The following KRT26 variants were observed in gnomAD, a reference collection of about 807,000 sequenced individuals.
KRT26 encodes the protein keratin, type I cytoskeletal 26.
KRT26 carries 45 observed loss-of-function variants against 46.1 expected under a neutral mutation model. The ratio of observed to expected loss-of-function variants is 0.98; its 90% confidence interval spans 0.77 to 1.25. KRT26 has a LOEUF of 1.25. Ranked by LOEUF, KRT26 falls within the 50% of genes most tolerant of loss-of-function variation. The pLI is 0.00. For missense variants in KRT26, 582 were observed against 560.1 expected (o/e 1.04, Z -0.39); for synonymous variants, 191 against 209.9 (o/e 0.91, Z 0.78).
At chr17:40,772,083 T>C (rs1370121496) in exon 1 of KRT26, 1 of 1,614,028 alleles carries the variant, frequency 6.2e-7, no homozygotes, top group Non-Finnish European at 8.5e-7. Flanking sequence ...GAGCAGATCC[T>C]CCTGGATCCA....
At chr17:40,767,995 C>G (rs2038185028) in intron 6 of KRT26, among the ~76,000 whole-genome samples, 4 of 152,140 alleles carry the variant, frequency 2.6e-5, no homozygotes, top group Admixed American at 2.6e-4. Context: ...GATATAGAAC[C>G]AAGACACAGT....
intron 6 of KRT26, among the ~76,000 whole-genome samples, chr17:40,768,244 A>G: frequency 6.6e-6 from 1 of 152,218 alleles, no homozygotes; most frequent in Admixed American, 6.5e-5. Context: ...TGATTACCAA[A>G]TACCTTTTCT....
intron 7 of KRT26, 49 bp downstream of exon 7, chr17:40,767,537 A>G (rs968157825): frequency 9.0e-7 from 1 of 1,114,618 alleles, no homozygotes; most frequent in Non-Finnish European, 1.3e-6. Flanking sequence ...AGTTAACACA[A>G]TTGATGGAGT....
At chr17:40,767,891 A>G (rs1454704776) in intron 6 of KRT26, among the ~76,000 whole-genome samples, 2 of 152,188 alleles carry the variant, frequency 1.3e-5, no homozygotes, top group Non-Finnish European at 2.9e-5. Flanking sequence ...TCATCTAGCA[A>G]TATTTCTCAC....
In KRT26 at chr17:40,770,126, G is replaced by C. The variant is rs751782637; in HGVS notation, c.682-4C>G. On this transcript the variant is annotated splice_polypyrimidine_tract_variant and splice_region_variant and intron_variant, in intron 3 of 7. Transcript: ENST00000335552. ...TATATTGCAAGACTTCCATTTCCTAGAAAAGGGATCGGTATTCATCCTCAG... is the reference window on the plus strand; with the variant it reads ...TATATTGCAAGACTTCCATTTCCTACAAAAGGGATCGGTATTCATCCTCAG... The C allele has an allele frequency of 6.2e-7, 1 of 1,614,140 alleles. No individual in the cohort carries two copies. Among genetic ancestry groups the C allele is most frequent in the Non-Finnish European group, 8.5e-7 (1 of 1,180,020 alleles).
At chr17:40,771,740 C>A (rs764096786) in exon 1 of KRT26, 2 of 1,614,164 alleles carry the variant, frequency 1.2e-6, no homozygotes, top group South Asian at 2.2e-5. Context: ...CCGGGAAGAG[C>A]CAGGCTCACA....
At chr17:40,770,090 C>T (rs770756162) in exon 4 of KRT26, 3 of 1,613,970 alleles carry the variant, frequency 1.9e-6, no homozygotes, top group Non-Finnish European at 2.5e-6. Flanking sequence ...CGTTCACGTT[C>T]CCCCCAGCTG....
chr17:40,768,479 T>C (rs1458092453), intron 6 of KRT26, among the ~76,000 whole-genome samples: 3 of 152,240 alleles, frequency 2.0e-5, no homozygotes, highest in South Asian at 2.1e-4. Context: ...CTCCAATTAA[T>C]TCTTCCTATA....
Position 40,771,801 on chromosome 17 carries a change from C to T in KRT26, c.313G>A (p.Glu105Lys), listed in dbSNP as rs775327885. Reference sequence around the variant, plus strand: ...TGCTCCAGGTCTGCGTTGGCCTCCTCTAGAGCATGCACATGGTCCAGGTAG... The same window carrying T: ...TGCTCCAGGTCTGCGTTGGCCTCCTTTAGAGCATGCACATGGTCCAGGTAG... Residue 105 changes from glutamate (E) to lysine (K), a missense_variant, in exon 1 of 8, where the codon GAG becomes AAG. Transcript: ENST00000335552. The T allele has an allele frequency of 5.0e-6, 8 of 1,614,082 alleles. No individual in the cohort carries two copies. The highest frequency in any genetic ancestry group is 1.6e-4 in the Middle Eastern group (1 of 6,084).
intron 2 of KRT26, 104 bp from the exon 3 acceptor site, chr17:40,770,513 C>G (rs2038214843): frequency 3.5e-6 from 3 of 864,090 alleles, no homozygotes; most frequent in Non-Finnish European, 3.5e-6. Context: ...TCTGTACATA[C>G]CTCTGAAGCT....
intron 7 of KRT26, 69 bp from the exon 8 acceptor site, chr17:40,766,735 G>A: frequency 1.7e-6 from 2 of 1,164,436 alleles, no homozygotes; most frequent in Non-Finnish European, 2.5e-6. Flanking sequence ...TAATAGGTAT[G>A]CTTTTTGTTT....
chr17:40,770,154 G>T (rs2038209982), intron 3 of KRT26, 32 bp from the exon 4 acceptor site: 1 of 1,613,794 alleles, frequency 6.2e-7, no homozygotes, highest in South Asian at 1.1e-5. Flanking sequence ...ATCCTCAGTG[G>T]AGGATTTTGA....
chr17:40,767,675 A>G (rs771121553), intron 6 of KRT26, 22 bp from the exon 7 acceptor site: 2 of 1,483,826 alleles, frequency 1.3e-6, no homozygotes, highest in Non-Finnish European at 1.9e-6. Flanking sequence ...AGAGTAAATT[A>G]TTGCATTTTT....
At chr17:40,768,396 C>A (rs2038188108) in intron 6 of KRT26, among the ~76,000 whole-genome samples, 1 of 152,192 alleles carries the variant, frequency 6.6e-6, no homozygotes. Flanking sequence ...GCTCATAATT[C>A]ACCCAGTATT....
chr17:40,769,877 A>G (rs769176902), exon 5 of KRT26: 4 of 1,613,936 alleles, frequency 2.5e-6, no homozygotes, highest in South Asian at 1.1e-5. Context: ...GCAGCGTTGC[A>G]CTCTGAAGTG....
exon 8 of KRT26, chr17:40,766,518 T>G: frequency 6.3e-7 from 1 of 1,586,444 alleles, no homozygotes; most frequent in Non-Finnish European, 8.6e-7. Context: ...TTCCTCATTA[T>G]GGTGCTTTAG....
chr17:40,767,676 T>C (rs776794783), intron 6 of KRT26, 23 bp from the exon 7 acceptor site: 1 of 1,458,012 alleles, frequency 6.9e-7, no homozygotes, highest in African/African-American at 1.5e-5. Context: ...GAGTAAATTA[T>C]TGCATTTTTT....
intron 2 of KRT26, 78 bp downstream of exon 2, chr17:40,771,076 A>G: frequency 2.3e-6 from 2 of 863,622 alleles, no homozygotes; most frequent in Non-Finnish European, 3.5e-6. Flanking sequence ...TGGTTTTCAA[A>G]GCAAAATATA....
rs372868800 is a variant in KRT26, at chr17:40,770,137, G to A, written c.682-15C>T. The A allele has an allele frequency of 1.7e-5, 27 of 1,613,882 alleles. No individual in the cohort carries two copies. The East Asian group carries it at 2.4e-4, about 15-fold the overall frequency. ...ACTTCCATTTCCTAGAAAAGGGATC[G>A]GTATTCATCCTCAGTGGAGGATTTT... On this transcript the variant is annotated splice_polypyrimidine_tract_variant and intron_variant, in intron 3 of 7. Coordinates refer to ENST00000335552, the Ensembl canonical transcript of KRT26.
Sources: gnomAD v4.1 joint callset for allele counts (sites outside exome capture counted in the v4.1 genomes callset) on GRCh38, gnomAD v4.1.1 for gene constraint, MANE v1.5 for transcripts, NCBI Gene and HGNC (gene_info 2026-07-23, HGNC 2026-07-21) for gene names.